The following CRYL1 variants were observed in gnomAD, a reference collection of about 807,000 sequenced individuals.
CRYL1 encodes crystallin lambda 1, also known as lambda-crystallin homolog.
CRYL1 carries 29 observed loss-of-function variants against 36.6 expected under a neutral mutation model. The observed-to-expected ratio is 0.79, with a 90% CI of 0.59 to 1.08. The LOEUF (loss-of-function observed/expected upper bound fraction) is 1.08, where lower values mean the gene tolerates loss of function less well. CRYL1 is among the 50% of genes least tolerant of loss of function. CRYL1 has a pLI of 0.00. For missense variants in CRYL1, 411 were observed against 407.9 expected (o/e 1.01, Z -0.06); for synonymous variants, 152 against 151.5 (o/e 1.00, Z -0.02).
intron 1 of CRYL1, among the ~76,000 whole-genome samples, chr13:20,513,930 C>T (rs564967200): frequency 1.5e-4 from 20 of 137,122 alleles, no homozygotes; most frequent in African/African-American, 5.1e-4. Flanking sequence ...AAAAAAAAAA[C>T]GCATCGATGG....
chr13:20,458,310 C>T (rs1199776017), intron 3 of CRYL1, among the ~76,000 whole-genome samples: 2 of 152,074 alleles, frequency 1.3e-5, no homozygotes, highest in African/African-American at 4.8e-5. Context: ...AAGGTACAAA[C>T]CTAAGTAACA....
At chr13:20,467,249 T>C (rs9509238) in intron 3 of CRYL1, among the ~76,000 whole-genome samples, 146,722 of 152,014 alleles carry the variant, frequency 0.97, 71,009 homozygotes, top group East Asian at 1. Context: ...CCCCGGCCCA[T>C]ACAGTATAAC....
At chr13:20,505,359 C>CAAAAAAAAAAAAAAAAAA (rs61380702) in intron 2 of CRYL1, among the ~76,000 whole-genome samples, 174 of 91,154 alleles carry the variant, frequency 1.9e-3, no homozygotes, top group South Asian at 5.1e-3. Flanking sequence ...TCTATCCCAC[C>CAAAAAAAAAAAAAAAAAA]AAAAAAAAAA....
rs995694744 is a variant in CRYL1 at position 20,415,466 on chromosome 13, C to T, written c.634-2079G>A. 6.6e-6 allele frequency among the ~76,000 whole-genome samples: 1 copy of T among 152,190 alleles called. No individual in the cohort carries two copies. The highest frequency in any genetic ancestry group is 1.5e-5 in the Non-Finnish European group (1 of 68,024). On this transcript the variant is annotated intron_variant, in intron 5 of 7. Coordinates refer to ENST00000298248, the MANE Select transcript of CRYL1 (RefSeq NM_015974.3). The surrounding 1 kb of genome is among the most constrained non-coding windows in gnomAD (Gnocchi z 4.1). ...CGCCCTGCGTCTGCAGAGAGCGCGG[C>T]GGTGAAGCGGGAGCAGGCGGCCTGG...
intron 1 of CRYL1, among the ~76,000 whole-genome samples, chr13:20,513,082 T>C (rs1732923743): frequency 6.6e-6 from 1 of 152,194 alleles, no homozygotes; most frequent in Admixed American, 6.5e-5. Context: ...TAGGTATGAA[T>C]TTTTTTAAGT....
chr13:20,420,230 C>T (rs763584018), intron 5 of CRYL1, among the ~76,000 whole-genome samples: 34 of 152,322 alleles, frequency 2.2e-4, no homozygotes, highest in South Asian at 4.1e-4. Flanking sequence ...CAAGAGGACG[C>T]GCAGGAGTCA....
chr13:20,509,242 C>A (rs1472700186), intron 2 of CRYL1, among the ~76,000 whole-genome samples: 1 of 82,958 alleles, frequency 1.2e-5, no homozygotes, highest in South Asian at 5.3e-4. Context: ...ATCTTTTTGC[C>A]TCATAGTTTT....
intron 3 of CRYL1, among the ~76,000 whole-genome samples, chr13:20,480,722 G>A (rs998282019): frequency 2.6e-5 from 4 of 152,218 alleles, no homozygotes; most frequent in African/African-American, 9.6e-5. Flanking sequence ...TGCCGTTCGT[G>A]GATGCTGCGG....
rs562760432 is a variant in CRYL1 at position 20,507,745 on chromosome 13, C to T, written c.149+4698G>A. Among the ~76,000 whole-genome samples, 205 of 151,884 alleles carry T rather than the reference C, an allele frequency of 1.3e-3. 1 individual carries two copies. The highest frequency in any genetic ancestry group is 3.4e-3 in the Middle Eastern group (1 of 292). On this transcript the variant is annotated intron_variant, in intron 2 of 7. Coordinates refer to ENST00000298248, the MANE Select transcript of CRYL1 (RefSeq NM_015974.3). Reference sequence around the variant, plus strand: ...CATCCTGGCTAACACAGTGAAACCCCGTCTCTACTAAAAATATAAAAAATT... The same window carrying T: ...CATCCTGGCTAACACAGTGAAACCCTGTCTCTACTAAAAATATAAAAAATT...
intron 2 of CRYL1, among the ~76,000 whole-genome samples, chr13:20,490,698 C>T (rs1051693474): frequency 6.6e-6 from 1 of 151,968 alleles, no homozygotes; most frequent in South Asian, 2.1e-4. Context: ...GGTTCTTAAT[C>T]CTCTTCCTTG....
chr13:20,408,030 T>C (rs1430217505), intron 6 of CRYL1, among the ~76,000 whole-genome samples: 2 of 152,256 alleles, frequency 1.3e-5, no homozygotes, highest in African/African-American at 2.4e-5. Flanking sequence ...TTCACGCAGC[T>C]ATGAACCCAC....
chr13:20,463,212 C>G (rs2032867283), intron 3 of CRYL1, among the ~76,000 whole-genome samples: 1 of 152,190 alleles, frequency 6.6e-6, no homozygotes, highest in African/African-American at 2.4e-5. Context: ...ATGCTTTTAT[C>G]TCTACAAAAG....
In CRYL1 at chr13:20,417,614, T is replaced by C. The variant is rs566825170; in HGVS notation, c.634-4227A>G. 6.6e-5 allele frequency among the ~76,000 whole-genome samples: 10 copies of C among 152,318 alleles called. No individual in the cohort carries two copies. In the South Asian group the frequency reaches 1.0e-3, roughly 16 times the overall value. On this transcript the variant is annotated intron_variant, in intron 5 of 7. Transcript: ENST00000298248. The stretch of plus-strand genomic sequence containing the variant: ...ACATGGTTTCGCGTCCTGAAAATCA[T>C]TGGGCAAAGAGATCCCAGACAGTGT...
intron 3 of CRYL1, among the ~76,000 whole-genome samples, chr13:20,457,532 G>T (rs761122202): frequency 6.6e-6 from 1 of 152,162 alleles, no homozygotes; most frequent in African/African-American, 2.4e-5. Context: ...GTACTCATTC[G>T]ATTCCAGAAA....
chr13:20,498,276 TAC>T (rs1286545121), intron 2 of CRYL1, among the ~76,000 whole-genome samples: 1 of 68,448 alleles, frequency 1.5e-5, no homozygotes, highest in Non-Finnish European at 3.3e-5. Context: ...ATATACACAC[TAC>T]ACACACACCA....
intron 2 of CRYL1, among the ~76,000 whole-genome samples, chr13:20,497,649 A>G (rs1455621848): frequency 1.3e-5 from 2 of 150,268 alleles, no homozygotes; most frequent in Non-Finnish European, 3.0e-5. Context: ...ACCACCACAT[A>G]CACACACTAC....
At chr13:20,479,717 G>C (rs540661174) in intron 3 of CRYL1, among the ~76,000 whole-genome samples, 85 of 152,304 alleles carry the variant, frequency 5.6e-4, no homozygotes, top group African/African-American at 1.9e-3. Context: ...TAGAGGAATT[G>C]AATTAGGCAT....
rs188241962 is a variant in CRYL1, at chr13:20,425,395, C to T, written c.633+6707G>A. On this transcript the variant is annotated intron_variant, in intron 5 of 7. Coordinates refer to ENST00000298248, the MANE Select transcript of CRYL1 (RefSeq NM_015974.3). The surrounding 1 kb of genome is among the most constrained non-coding windows in gnomAD (Gnocchi z 4.4). ...TAACCGTCAGTGAGCCTGCCTTGCT[C>T]TGTTATAGGGTCTCAGGGCACCTGC... Among the ~76,000 whole-genome samples, 9 of 152,368 alleles carry T rather than the reference C, an allele frequency of 5.9e-5. No homozygotes were observed. Among genetic ancestry groups the T allele is most frequent in the South Asian group, 2.1e-4 (1 of 4,830 alleles).
At chr13:20,438,257 C>T (rs1310112703) in intron 4 of CRYL1, among the ~76,000 whole-genome samples, 4 of 152,144 alleles carry the variant, frequency 2.6e-5, no homozygotes, top group Admixed American at 2.6e-4. Context: ...CTGTTACCTC[C>T]ACATTCTAAA....
Sources: allele counts gnomAD v4.1 joint callset (sites outside exome capture counted in the v4.1 genomes callset), GRCh38; gene constraint gnomAD v4.1.1; non-coding constraint Gnocchi (gnomAD v3.1); transcripts MANE v1.5; gene names NCBI Gene and HGNC (gene_info 2026-07-23, HGNC 2026-07-21).